The following FOXO1 variants were observed in gnomAD, a reference collection of about 807,000 sequenced individuals.
FOXO1 encodes forkhead box O1.
Under a neutral mutation model 44.1 loss-of-function variants are expected in FOXO1, and 6 were observed. The ratio of observed to expected loss-of-function variants is 0.14; its 90% CI spans 0.07 to 0.27. The LOEUF (loss-of-function observed/expected upper bound fraction) is 0.27. FOXO1 is among the 10% of genes least tolerant of loss of function. The pLI is 1.00. For missense variants in FOXO1, 737 were observed against 888.8 expected, an observed-to-expected ratio of 0.83 and a Z score of 2.17; for synonymous variants, 380 against 362.7, an observed-to-expected ratio of 1.05 and a Z score of -0.54.
intron 1 of FOXO1, among the ~76,000 whole-genome samples, chr13:40,573,370 G>A (rs1416641705): frequency 2.0e-5 from 3 of 152,130 alleles, no homozygotes; most frequent in African/African-American, 7.2e-5. Context: ...ATCACTCCTG[G>A]GCTAAAGGAA....
In FOXO1 at chr13:40,622,939, G is replaced by C. The variant is rs17061470; in HGVS notation, c.630+42644C>G. ...CCTTAAGGTATTATCTGCTTCCAGG[G>C]TGTGATTCAAAGGTTTAAGCCCATG... On this transcript the variant is annotated intron_variant, in intron 1 of 2. Coordinates refer to ENST00000379561, the MANE Select transcript of FOXO1 (RefSeq NM_002015.4). Among the ~76,000 whole-genome samples, 1,085 of 152,236 alleles carry C rather than the reference G, an allele frequency of 7.1e-3. 20 individuals are homozygous for C. The highest frequency in any genetic ancestry group is 0.024 in the African/African-American group (1,015 of 41,536).
In FOXO1 at chr13:40,557,475, A is replaced by T. The variant is rs529697028; in HGVS notation, c.*1574T>A. 4 of 152,318 alleles carry T rather than the reference A, an allele frequency of 2.6e-5. No individual in the cohort carries two copies. Among genetic ancestry groups the T allele is most frequent in the Admixed American group, 6.5e-5 (1 of 15,302 alleles). 9.4% of individuals were successfully genotyped at this position (152,318 alleles called of 1,614,324 possible). A position where few individuals can be genotyped will look rare whatever the true frequency, so the allele number is the denominator to read the frequency against. On this transcript the variant is annotated 3_prime_UTR_variant, in exon 3 of 3. Transcript: ENST00000379561. ...ACAACTTACAGCTGGTTTTCAAATAAATCTCCCCAATTTTTAAGTAAGTTC... is the reference window on the plus strand; with the variant it reads ...ACAACTTACAGCTGGTTTTCAAATATATCTCCCCAATTTTTAAGTAAGTTC...
At chr13:40,603,065 A>T (rs1215303545) in intron 1 of FOXO1, among the ~76,000 whole-genome samples, 1 of 152,174 alleles carries the variant, frequency 6.6e-6, no homozygotes, top group Non-Finnish European at 1.5e-5. Context: ...AATCTGACAG[A>T]GCCATTTCCT....
chr13:40,573,453 C>A (rs1249583802), intron 1 of FOXO1, among the ~76,000 whole-genome samples: 1 of 152,194 alleles, frequency 6.6e-6, no homozygotes, highest in Non-Finnish European at 1.5e-5. Context: ...ACTAGGAATT[C>A]TTTGGGCTCC....
chr13:40,603,352 C>CAAAAAAAAAAAAAAAAAAA (rs1191671929), intron 1 of FOXO1, among the ~76,000 whole-genome samples: 1 of 62,230 alleles, frequency 1.6e-5, no homozygotes, highest in Non-Finnish European at 2.9e-5. Context: ...GCAGATGAAT[C>CAAAAAAAAAAAAAAAAAAA]CAAAAAAAAA....
At chr13:40,605,424 T>TAC (rs1875959716) in intron 1 of FOXO1, among the ~76,000 whole-genome samples, 1 of 152,062 alleles carries the variant, frequency 6.6e-6, no homozygotes, top group Non-Finnish European at 1.5e-5. Context: ...CCGTCAGCAT[T>TAC]ACACACACAC....
chr13:40,570,596 A>G (rs537831045), intron 1 of FOXO1, among the ~76,000 whole-genome samples: 1 of 152,278 alleles, frequency 6.6e-6, no homozygotes, highest in East Asian at 1.9e-4. Flanking sequence ...ATTGAAGAAA[A>G]CCCCTTCAGG....
intron 2 of FOXO1, among the ~76,000 whole-genome samples, chr13:40,559,287 T>TCA (rs942295271): frequency 2.0e-5 from 3 of 152,086 alleles, no homozygotes; most frequent in African/African-American, 7.2e-5. Context: ...CATCGAACTG[T>TCA]CAAAAAGAAA....
chr13:40,562,531 A>G (rs1035634706), intron 1 of FOXO1, among the ~76,000 whole-genome samples: 2 of 152,218 alleles, frequency 1.3e-5, no homozygotes, highest in Non-Finnish European at 2.9e-5. Context: ...AATGAGATAC[A>G]TAAAAATGCT....
chr13:40,562,150 C>T (rs767925729), intron 1 of FOXO1, among the ~76,000 whole-genome samples: 4 of 152,066 alleles, frequency 2.6e-5, no homozygotes, highest in Non-Finnish European at 5.9e-5. Context: ...AGTGCCCCTA[C>T]CCTCCAGTTC....
intron 1 of FOXO1, among the ~76,000 whole-genome samples, chr13:40,633,308 T>C (rs1447840073): frequency 6.6e-6 from 1 of 152,190 alleles, no homozygotes; most frequent in African/African-American, 2.4e-5. Context: ...AAAAAAACTA[T>C]ACATGAATAA....
At chr13:40,620,910 C>T (rs1876591670) in intron 1 of FOXO1, among the ~76,000 whole-genome samples, 1 of 148,082 alleles carries the variant, frequency 6.8e-6, no homozygotes. Context: ...GCTATTCTCC[C>T]ATCTCAGCCT....
intron 1 of FOXO1, among the ~76,000 whole-genome samples, chr13:40,564,945 G>GAGTCGGGGTACCCCGACATGGTGT: frequency 6.7e-6 from 1 of 148,612 alleles, no homozygotes; most frequent in East Asian, 2.2e-4. Context: ...ACAGATGGGG[G>GAGTCGGGGTACCCCGACATGGTGT]AGTCGGGGAA....
chr13:40,653,491 C>T (rs1048997584), intron 1 of FOXO1, among the ~76,000 whole-genome samples: 3 of 152,104 alleles, frequency 2.0e-5, no homozygotes, highest in Non-Finnish European at 2.9e-5. Flanking sequence ...AGGAGAGGGC[C>T]GAAACACTGA....
intron 1 of FOXO1, among the ~76,000 whole-genome samples, chr13:40,621,692 A>C (rs980906055): frequency 9.9e-5 from 15 of 152,242 alleles, no homozygotes; most frequent in African/African-American, 3.6e-4. Flanking sequence ...ATAGCACAGC[A>C]GACTTTACTT....
At chr13:40,584,500 A>G (rs2701867) in intron 1 of FOXO1, among the ~76,000 whole-genome samples, 1 of 111,878 alleles carries the variant, frequency 8.9e-6, no homozygotes, top group African/African-American at 3.9e-5. Flanking sequence ...AAAAAAAAAA[A>G]AGCCAGATGC....
In FOXO1 at chr13:40,666,021, G is replaced by C; in HGVS notation, c.192C>G (p.Ala64=). The stretch of plus-strand genomic sequence containing the variant: ...TGCTCATGAAGTCGGCGCTGACAGC[G>C]GCAGCCGAGGCCGAGGGCAGGCCCG... ...AAAGLPSASA[A]AVSADFMSNL... is the part of the protein sequence containing the mutation. The change falls in exon 1 of 3, where the codon GCC becomes GCG. Residue 64 remains alanine (A), a synonymous_variant. Coordinates refer to ENST00000379561, the MANE Select transcript of FOXO1 (RefSeq NM_002015.4). 1 of 1,275,666 alleles carries C rather than the reference G, an allele frequency of 7.8e-7. No homozygotes were observed. The highest frequency in any genetic ancestry group is 9.9e-7 in the Non-Finnish European group (1 of 1,013,020). 79.0% of individuals were successfully genotyped at this position (1,275,666 alleles called of 1,614,324 possible). A position where few individuals can be genotyped will look rare whatever the true frequency, so the allele number is the denominator to read the frequency against.
intron 1 of FOXO1, among the ~76,000 whole-genome samples, chr13:40,566,919 C>G (rs1183193985): frequency 3.3e-5 from 5 of 152,146 alleles, no homozygotes; most frequent in African/African-American, 1.2e-4. Flanking sequence ...TCTAGGTTGA[C>G]TTTGCCCCCA....
intron 1 of FOXO1, among the ~76,000 whole-genome samples, chr13:40,580,577 C>T (rs565960021): frequency 1.3e-5 from 2 of 152,198 alleles, no homozygotes; most frequent in South Asian, 4.1e-4. Context: ...ATGAGATAAT[C>T]CTACAAAGCA....
Sources: allele counts gnomAD v4.1 joint callset (sites outside exome capture counted in the v4.1 genomes callset), GRCh38; gene constraint gnomAD v4.1.1; transcripts MANE v1.5; gene names NCBI Gene and HGNC (gene_info 2026-07-23, HGNC 2026-07-21).